The following TUBA3C variants were observed in gnomAD, a reference collection of about 807,000 sequenced individuals.
The protein encoded by TUBA3C is tubulin alpha 3c.
In TUBA3C, 23 loss-of-function variants were observed where a neutral mutation model predicts 33.4. The observed-to-expected ratio is 0.69, with a 90% confidence interval of 0.50 to 0.98. The LOEUF (loss-of-function observed/expected upper bound fraction) is 0.98. Among genes scored for constraint, TUBA3C ranks in the 50% least tolerant of loss-of-function variants. The pLI is 0.00. For missense variants in TUBA3C, 402 were observed against 616.0 expected, an observed-to-expected ratio of 0.65 and a Z score of 3.68; for synonymous variants, 269 against 250.4, an observed-to-expected ratio of 1.07 and a Z score of -0.70.
chr13:19,175,740 T>A lies in TUBA3C; in HGVS notation c.1056+1187A>T, dbSNP rs147618826. On this transcript the variant is annotated intron_variant, in intron 4 of 4. Coordinates refer to ENST00000400113, the MANE Select transcript of TUBA3C (RefSeq NM_006001.3). ...CCTGTAAGGCCTAGAATTTGTATGATCTTGTCTTTTTTTCTTTTTTTGAGA... is the reference window on the plus strand; with the variant it reads ...CCTGTAAGGCCTAGAATTTGTATGAACTTGTCTTTTTTTCTTTTTTTGAGA... Among the ~76,000 whole-genome samples the A allele has an allele frequency of 4.3e-3, 657 of 152,234 alleles. 10 individuals are homozygous for A. Among genetic ancestry groups the A allele is most frequent in the Middle Eastern group, 0.02 (6 of 294 alleles).
At chr13:19,175,637 G>C (rs1041524534) in intron 4 of TUBA3C, among the ~76,000 whole-genome samples, 3 of 152,324 alleles carry the variant, frequency 2.0e-5, no homozygotes, top group Admixed American at 6.5e-5. Flanking sequence ...TCTGAACACA[G>C]CCACCACACC....
At position 19,177,488 on chromosome 13, in the gene TUBA3C, G is replaced by T. The variant is rs757162418; in HGVS notation, c.495C>A (p.Ser165=). Residue 165 remains serine, a synonymous_variant, in exon 4 of 5, where the codon TCC becomes TCA. Transcript: ENST00000400113. This position sits in a 1 kb window ranked among gnomAD's most constrained non-coding sequence, Gnocchi z 5.0. ...CTGGGTAAATGGCAAATTCTAGCTT[G>T]GACTTCTTGCCGTAATCCACTGAGA... ...ERLSVDYGKK[S]KLEFAIYPAP... is the part of the protein sequence containing the mutation. 1 of 1,614,104 alleles carries T rather than the reference G, an allele frequency of 6.2e-7. No homozygotes were observed. The highest frequency in any genetic ancestry group is 8.5e-7 in the Non-Finnish European group (1 of 1,180,020).
rs36215074 is a variant in TUBA3C at position 19,179,546 on chromosome 13, G to A, written c.21C>T (p.Ile7=). Residue 7 remains isoleucine, a synonymous_variant, in exon 2 of 5, where the codon ATC becomes ATT. Transcript: ENST00000400113. The part of the protein sequence containing the change: MRECIS[I]HVGQAGVQIG... Reference sequence around the variant, plus strand: ...TCTGGACTCCTGCCTGCCCCACGTGGATAGAGATACACTCACGCTGTGAAC... The same window carrying A: ...TCTGGACTCCTGCCTGCCCCACGTGAATAGAGATACACTCACGCTGTGAAC... The A allele has an allele frequency of 0.023, 36,556 of 1,614,168 alleles. 466 individuals carry two copies. Among genetic ancestry groups the A allele is most frequent in the Non-Finnish European group, 0.028 (32,488 of 1,180,004 alleles).
chr13:19,177,194 G>C lies in TUBA3C; in HGVS notation c.789C>G (p.Pro263=), dbSNP rs1593261035. 2 of 1,614,010 alleles carry C rather than the reference G, an allele frequency of 1.2e-6. No individual in the cohort carries two copies. Among genetic ancestry groups the C allele is most frequent in the Admixed American group, 3.3e-5 (2 of 59,992 alleles). ...TEFQTNLVPY[P]RIHFPLATYA... is the part of the protein sequence containing the mutation. ...AGGTGGCCAGGGGGAAGTGGATGCG[G>C]GGGTACGGCACTAGGTTGGTCTGGA... is the stretch of plus-strand genomic sequence containing the variant. The change falls in exon 4 of 5, where the codon CCC becomes CCG. Residue 263 remains proline (P), a synonymous_variant. Transcript: ENST00000400113. The surrounding 1 kb of genome is among the most constrained non-coding windows in gnomAD (Gnocchi z 5.0).
rs2138958155 is a variant in TUBA3C at position 19,179,410 on chromosome 13, A to G, written c.157T>C (p.Phe53Leu). Residue 53 changes from phenylalanine (F) to leucine (L), a missense_variant, in exon 2 of 5, where the codon TTC (phenylalanine) becomes CTC (leucine). Physicochemically the swap from Phe to Leu is conservative, Grantham distance 22. Coordinates refer to ENST00000400113, the MANE Select transcript of TUBA3C (RefSeq NM_006001.3). ...GGGDDSFNTF[F>L]SETGAGKHVP... is the part of the protein sequence containing the mutation. ...TGCTTGCCAGCTCCAGTCTCACTGA[A>G]GAACGTGTTGAAGGAGTCGTCCCCA... is the stretch of plus-strand genomic sequence containing the variant. 1 of 1,614,014 alleles carries G rather than the reference A, an allele frequency of 6.2e-7. No individual in the cohort carries two copies. The highest frequency in any genetic ancestry group is 1.1e-5 in the South Asian group (1 of 91,064).
At position 19,179,514 on chromosome 13, in the gene TUBA3C, T is replaced by C. The variant is rs1455284031; in HGVS notation, c.53A>G (p.Asn18Ser). Residue 18 changes from asparagine to serine, a missense_variant, in exon 2 of 5, where the codon AAT (asparagine) becomes AGT (serine). Physicochemically the swap from Asn to Ser is conservative, Grantham distance 46 (BLOSUM62 1). Transcript: ENST00000400113. ...CAGGCAGTACAGTTCCCAGCAGGCA[T>C]TGCCGATCTGGACTCCTGCCTGCCC... ...HVGQAGVQIGNACWELYCLEH... is the reference protein window; with the variant it reads ...HVGQAGVQIGSACWELYCLEH... 1.2e-6 allele frequency: 2 copies of C among 1,614,094 alleles called. No individual in the cohort carries two copies. Among genetic ancestry groups the C allele is most frequent in the South Asian group, 2.2e-5 (2 of 91,074 alleles).
chr13:19,177,842 A>AGTT lies in TUBA3C; in HGVS notation c.376-238_376-236dup, dbSNP rs1446649507. Reference sequence around the variant, plus strand: ...CAATAGGACTCAAGATACTGTTCTAAGTTGTTTTTTTTTTTTTTTTTTTAG... The same window carrying AGTT: ...CAATAGGACTCAAGATACTGTTCTAAGTTGTTGTTTTTTTTTTTTTTTTTTTAG... On this transcript the variant is annotated intron_variant, in intron 3 of 4. Coordinates refer to ENST00000400113, the MANE Select transcript of TUBA3C (RefSeq NM_006001.3). The surrounding 1 kb of genome is among the most constrained non-coding windows in gnomAD (Gnocchi z 5.0). Among the ~76,000 whole-genome samples, 2 of 132,196 alleles carry AGTT rather than the reference A, an allele frequency of 1.5e-5. 1 individual carries two copies. The highest frequency in any genetic ancestry group is 3.3e-5 in the Non-Finnish European group (2 of 60,898). 86.7% of individuals were successfully genotyped at this position (132,196 alleles called of 152,430 possible). A position where few individuals can be genotyped will look rare whatever the true frequency, so the allele number is the denominator to read the frequency against.
In TUBA3C at chr13:19,178,112, T is replaced by C. The variant is rs560989812; in HGVS notation, c.375+134A>G. The C allele has an allele frequency of 1.1e-5, 16 of 1,404,796 alleles. No homozygotes were observed. In the East Asian group the frequency reaches 1.6e-4, roughly 14 times the overall value. 87.0% of individuals were successfully genotyped at this position (1,404,796 alleles called of 1,614,324 possible). On this transcript the variant is annotated intron_variant, in intron 3 of 4. Coordinates refer to ENST00000400113, the MANE Select transcript of TUBA3C (RefSeq NM_006001.3). ...CTGCCCACCTTGGCCTCCCAAAGTGTTGGGATTACAGGCGTGAGCCACCAG... is the reference window on the plus strand; with the variant it reads ...CTGCCCACCTTGGCCTCCCAAAGTGCTGGGATTACAGGCGTGAGCCACCAG...
intron 1 of TUBA3C, among the ~76,000 whole-genome samples, chr13:19,180,410 G>A (rs1489153618): frequency 6.6e-6 from 1 of 152,146 alleles, no homozygotes; most frequent in Non-Finnish European, 1.5e-5. Flanking sequence ...TGACAAGCCG[G>A]ATGTGGTGGC....
chr13:19,174,949 G>C (rs1287190053), intron 4 of TUBA3C, among the ~76,000 whole-genome samples: 1 of 151,892 alleles, frequency 6.6e-6, no homozygotes, highest in Admixed American at 6.6e-5. Flanking sequence ...GCAAGACCCT[G>C]TCTCAAAAAA....
chr13:19,181,233 T>G (rs538082175), intron 1 of TUBA3C, among the ~76,000 whole-genome samples: 4 of 151,970 alleles, frequency 2.6e-5, no homozygotes, highest in African/African-American at 9.6e-5. Flanking sequence ...CTATTTTTAG[T>G]AGAGAAGGGA....
chr13:19,180,649 CTAT>C (rs1565972568), intron 1 of TUBA3C, among the ~76,000 whole-genome samples: 1 of 152,056 alleles, frequency 6.6e-6, no homozygotes. Flanking sequence ...CTACAGGCCA[CTAT>C]GCCCAACTAA....
chr13:19,180,104 C>T (rs1333116420), intron 1 of TUBA3C, among the ~76,000 whole-genome samples: 1 of 152,162 alleles, frequency 6.6e-6, no homozygotes, highest in African/African-American at 2.4e-5. Flanking sequence ...GCCTTCCTTG[C>T]TCTCTGGCTT....
Position 19,177,192 on chromosome 13 carries a change from C to A in TUBA3C, c.791G>T (p.Arg264Leu). The A allele has an allele frequency of 6.2e-7, 1 of 1,613,974 alleles. No homozygotes were observed. The highest frequency in any genetic ancestry group is 1.1e-5 in the South Asian group (1 of 91,068). Residue 264 changes from arginine (R) to leucine (L), a missense_variant, in exon 4 of 5, where the codon CGC becomes CTC. Physicochemically the swap from Arg to Leu is moderately radical, Grantham distance 102. Coordinates refer to ENST00000400113, the MANE Select transcript of TUBA3C (RefSeq NM_006001.3). The surrounding 1 kb of genome is among the most constrained non-coding windows in gnomAD (Gnocchi z 5.0). Reference protein sequence around the residue: ...EFQTNLVPYPRIHFPLATYAP... With the variant: ...EFQTNLVPYPLIHFPLATYAP... ...GTAGGTGGCCAGGGGGAAGTGGATGCGGGGGTACGGCACTAGGTTGGTCTG... is the reference window on the plus strand; with the variant it reads ...GTAGGTGGCCAGGGGGAAGTGGATGAGGGGGTACGGCACTAGGTTGGTCTG...
At chr13:19,178,459 C>T in intron 2 of TUBA3C, 65 bp from the exon 3 acceptor site, 3 of 1,582,056 alleles carry the variant, frequency 1.9e-6, no homozygotes, top group Non-Finnish European at 2.6e-6. Flanking sequence ...GGACACATTC[C>T]AGGACTGTTC....
In TUBA3C at chr13:19,178,003, C is replaced by T. The variant is rs115664277; in HGVS notation, c.375+243G>A. Among the ~76,000 whole-genome samples, 697 of 152,232 alleles carry T rather than the reference C, an allele frequency of 4.6e-3. 10 individuals carry two copies. The highest frequency in any genetic ancestry group is 0.04 in the South Asian group (194 of 4,810). On this transcript the variant is annotated intron_variant, in intron 3 of 4. Transcript: ENST00000400113. The stretch of plus-strand genomic sequence containing the variant: ...CTGGGACTACAGGCAGGCACCACCA[C>T]GCCTGACTAATGTGTGTATTTTTAG...
intron 2 of TUBA3C, 42 bp from the exon 3 acceptor site, chr13:19,178,436 T>A (rs1456652153): frequency 8.1e-6 from 13 of 1,608,208 alleles, no homozygotes; most frequent in Middle Eastern, 1.7e-4. Flanking sequence ...TTAAGGCCTA[T>A]ACTCACCAAG....
chr13:19,177,018 TC>T lies in TUBA3C; in HGVS notation c.964del (p.Asp322MetfsTer23), dbSNP rs748374815. On this transcript the variant is annotated frameshift_variant, in exon 4 of 5. Transcript: ENST00000400113. LOFTEE classifies it high-confidence loss of function. The surrounding 1 kb of genome is among the most constrained non-coding windows in gnomAD (Gnocchi z 5.0). ...CGCGTTGACATCTTTCGGGACCACA[TC>T]CCCCCTGTACAACATGCAGCAGGCC... ...YMACCMLYRG[D>X]VVPKDVNAAI... 5.0e-6 allele frequency: 8 copies of T among 1,613,798 alleles called. No homozygotes were observed. The African/African-American group carries it at 8.0e-5, about 16-fold the overall frequency.
At chr13:19,178,669 A>G (rs921162481) in intron 2 of TUBA3C, among the ~76,000 whole-genome samples, 5 of 152,190 alleles carry the variant, frequency 3.3e-5, no homozygotes, top group Admixed American at 6.5e-5. Context: ...GAAGGGAAAT[A>G]AGCTCCAGCA....
Sources: gnomAD v4.1 joint callset for allele counts (sites outside exome capture counted in the v4.1 genomes callset) on GRCh38, gnomAD v4.1.1 for gene constraint, Gnocchi (gnomAD v3.1) non-coding constraint, MANE v1.5 for transcripts, NCBI Gene and HGNC (gene_info 2026-07-23, HGNC 2026-07-21) for gene names.